FAF1: variants seen among roughly 807,000 people sequenced by gnomAD.
FAF1 encodes FAS-associated factor 1.
FAF1 carries 25 observed loss-of-function variants against 92.5 expected under a neutral mutation model. The ratio of observed to expected loss-of-function variants is 0.27; its 90% confidence interval spans 0.20 to 0.38. FAF1 has a LOEUF of 0.38. Among genes scored for constraint, FAF1 ranks in the 10% least tolerant of loss-of-function variants. FAF1 has a pLI of 1.00. For synonymous variants in FAF1, 234 were observed against 273.2 expected (o/e 0.86, Z 1.42); for missense variants, 636 against 793.3 (o/e 0.80, Z 2.38).
At chr1:50,779,656 C>CA (rs1183141477) in intron 4 of FAF1, among the ~76,000 whole-genome samples, 1 of 151,218 alleles carries the variant, frequency 6.6e-6, no homozygotes, top group Non-Finnish European at 1.5e-5. Flanking sequence ...ACACCAATAA[C>CA]AAAAAAACGT....
At chr1:50,881,315 T>C (rs1434457951) in intron 1 of FAF1, among the ~76,000 whole-genome samples, 1 of 152,202 alleles carries the variant, frequency 6.6e-6, no homozygotes, top group Non-Finnish European at 1.5e-5. Context: ...TGAACTTCTC[T>C]GGCACAGAAA....
chr1:50,720,972 T>C (rs1658386044), intron 6 of FAF1, among the ~76,000 whole-genome samples: 1 of 152,186 alleles, frequency 6.6e-6, no homozygotes, highest in African/African-American at 2.4e-5. Flanking sequence ...CATTTGATCA[T>C]TCTTCGAGTC....
At chr1:50,560,102 T>C (rs756842541) in intron 13 of FAF1, among the ~76,000 whole-genome samples, 4 of 152,166 alleles carry the variant, frequency 2.6e-5, no homozygotes, top group Non-Finnish European at 5.9e-5. Flanking sequence ...TGAGCTATAT[T>C]TGCCAGATCA....
intron 1 of FAF1, among the ~76,000 whole-genome samples, chr1:50,950,193 T>G (rs1645203761): frequency 6.6e-6 from 1 of 152,040 alleles, no homozygotes; most frequent in African/African-American, 2.4e-5. Context: ...GCAAATGACT[T>G]TCTCAAAGAA....
rs549525752 is a variant in FAF1 at position 50,744,304 on chromosome 1, C to T, written c.459+380G>A. Reference sequence around the variant, plus strand: ...AATCAATACTTGACATAAATGTATACGCTGCATGTGACTTCTTTCGGACCA... The same window carrying T: ...AATCAATACTTGACATAAATGTATATGCTGCATGTGACTTCTTTCGGACCA... On this transcript the variant is annotated intron_variant, in intron 5 of 18. Coordinates refer to ENST00000396153, the MANE Select transcript of FAF1 (RefSeq NM_007051.3). 9.9e-5 allele frequency among the ~76,000 whole-genome samples: 15 copies of T among 152,184 alleles called. No homozygotes were observed. In the East Asian group the frequency reaches 1.2e-3, roughly 12 times the overall value.
chr1:50,608,074 C>T (rs138082915), intron 8 of FAF1, among the ~76,000 whole-genome samples: 10 of 152,358 alleles, frequency 6.6e-5, no homozygotes, highest in Admixed American at 5.9e-4. Flanking sequence ...CTCAGAGTAG[C>T]AGCTCAAAGG....
At chr1:50,830,335 C>A (rs1194429504) in intron 2 of FAF1, among the ~76,000 whole-genome samples, 1 of 152,208 alleles carries the variant, frequency 6.6e-6, no homozygotes, top group African/African-American at 2.4e-5. Flanking sequence ...GTCTCAAACT[C>A]CTGACCTCAA....
intron 18 of FAF1, among the ~76,000 whole-genome samples, chr1:50,450,722 T>C (rs956770363): frequency 3.3e-5 from 5 of 152,152 alleles, no homozygotes; most frequent in Admixed American, 2.6e-4. Context: ...AGGGGGAACT[T>C]AGGGGAATTG....
At chr1:50,614,435 G>GT (rs1652816153) in intron 8 of FAF1, among the ~76,000 whole-genome samples, 1 of 152,152 alleles carries the variant, frequency 6.6e-6, no homozygotes, top group Non-Finnish European at 1.5e-5. Context: ...GAATGTTTAT[G>GT]TGAGTGTAAA....
chr1:50,670,873 T>C (rs1655844532), intron 7 of FAF1, among the ~76,000 whole-genome samples: 1 of 152,008 alleles, frequency 6.6e-6, no homozygotes, highest in Non-Finnish European at 1.5e-5. Context: ...AAAGATGCAG[T>C]GAGCTGAGAT....
intron 1 of FAF1, among the ~76,000 whole-genome samples, chr1:50,899,418 C>T (rs10888710): frequency 0.98 from 149,779 of 152,252 alleles, 73,727 homozygotes; most frequent in East Asian, 1. Flanking sequence ...TGATTGGGTC[C>T]AAATACTGTG....
chr1:50,559,990 ATGTTCATC>A (rs1649822759), intron 13 of FAF1, among the ~76,000 whole-genome samples: 1 of 152,216 alleles, frequency 6.6e-6, no homozygotes, highest in Non-Finnish European at 1.5e-5. Context: ...TGACCACAAC[ATGTTCATC>A]TGTTTTATCA....
chr1:50,474,568 T>C (rs1205931003), intron 18 of FAF1, among the ~76,000 whole-genome samples: 6 of 152,202 alleles, frequency 3.9e-5, no homozygotes, highest in South Asian at 2.1e-4. Context: ...AGTTAATCTC[T>C]GGTTGGGATT....
At chr1:50,786,423 T>C (rs1661367022) in intron 4 of FAF1, among the ~76,000 whole-genome samples, 3 of 152,250 alleles carry the variant, frequency 2.0e-5, no homozygotes, top group South Asian at 4.1e-4. Flanking sequence ...AAACAGAAGA[T>C]AGAATGGCAG....
chr1:50,704,860 C>A (rs1427737790), intron 7 of FAF1, among the ~76,000 whole-genome samples: 3 of 151,956 alleles, frequency 2.0e-5, no homozygotes, highest in African/African-American at 7.3e-5. Context: ...AAAAAGGAAA[C>A]CATTAATAGT....
chr1:50,531,982 A>G (rs1356395950), intron 15 of FAF1, among the ~76,000 whole-genome samples: 1 of 152,148 alleles, frequency 6.6e-6, no homozygotes, highest in Non-Finnish European at 1.5e-5. Flanking sequence ...TTTCAAACTT[A>G]AGTCTTATTT....
At chr1:50,799,045 C>T (rs931477183) in intron 3 of FAF1, among the ~76,000 whole-genome samples, 7 of 152,068 alleles carry the variant, frequency 4.6e-5, no homozygotes, top group African/African-American at 1.7e-4. Context: ...CTCCTGACCG[C>T]GAGTGATCTG....
At chr1:50,761,687 C>T (rs1158832907) in intron 4 of FAF1, among the ~76,000 whole-genome samples, 2 of 152,168 alleles carry the variant, frequency 1.3e-5, no homozygotes, top group African/African-American at 4.8e-5. Flanking sequence ...TGGGACGTAT[C>T]TCAAAATAGT....
chr1:50,844,291 T>C (rs996968008), intron 2 of FAF1, among the ~76,000 whole-genome samples: 11 of 152,160 alleles, frequency 7.2e-5, no homozygotes, highest in African/African-American at 2.7e-4. Context: ...GTCAGGTGAA[T>C]AGTTTGCAGA....
Sources: gnomAD v4.1 joint callset for allele counts (sites outside exome capture counted in the v4.1 genomes callset) on GRCh38, gnomAD v4.1.1 for gene constraint, MANE v1.5 for transcripts, NCBI Gene and HGNC (gene_info 2026-07-23, HGNC 2026-07-21) for gene names.